The following SETD7 variants were observed in gnomAD, a reference collection of about 807,000 sequenced individuals.
SETD7 encodes the protein SET domain containing 7, histone lysine methyltransferase, also known as histone-lysine N-methyltransferase SETD7.
SETD7 carries 16 observed loss-of-function variants against 41.8 expected under a neutral mutation model. The observed-to-expected ratio is 0.38, with a 90% confidence interval of 0.26 to 0.58. SETD7 has a LOEUF of 0.58. SETD7 is among the 20% of genes least tolerant of loss of function. SETD7 has a pLI of 0.64. For missense variants in SETD7, 346 were observed against 459.7 expected (o/e 0.75, Z 2.26); for synonymous variants, 163 against 169.7 (o/e 0.96, Z 0.31).
intron 7 of SETD7, among the ~76,000 whole-genome samples, chr4:139,514,369 A>C (rs1726962994): frequency 6.6e-6 from 1 of 152,238 alleles, no homozygotes; most frequent in Non-Finnish European, 1.5e-5. Flanking sequence ...ACACTGAAAA[A>C]AAACCAAAAA....
chr4:139,536,772 G>T (rs781706044), intron 2 of SETD7, among the ~76,000 whole-genome samples: 1 of 151,834 alleles, frequency 6.6e-6, no homozygotes, highest in Non-Finnish European at 1.5e-5. Context: ...GGAGGCCGAG[G>T]CAGGAGGATC....
At chr4:139,529,910 ACTCT>A (rs1727435077) in intron 3 of SETD7, among the ~76,000 whole-genome samples, 1 of 151,740 alleles carries the variant, frequency 6.6e-6, no homozygotes. Context: ...CTTTCTTTCC[ACTCT>A]ATTTCCTGCT....
chr4:139,523,138 C>T (rs1266353247), intron 5 of SETD7, among the ~76,000 whole-genome samples: 1 of 152,124 alleles, frequency 6.6e-6, no homozygotes, highest in Non-Finnish European at 1.5e-5. Context: ...AACTCTCTTA[C>T]AGGGTCAGAT....
intron 1 of SETD7, among the ~76,000 whole-genome samples, chr4:139,552,367 C>T (rs1186437116): frequency 6.6e-6 from 1 of 152,154 alleles, no homozygotes; most frequent in Non-Finnish European, 1.5e-5. Context: ...ATTCTTCCTC[C>T]ATGTCTCCTA....
intron 2 of SETD7, among the ~76,000 whole-genome samples, chr4:139,541,738 A>C (rs1181953197): frequency 3.3e-5 from 5 of 152,254 alleles, no homozygotes; most frequent in Admixed American, 3.3e-4. Context: ...TGACTTAATA[A>C]GCTGGTTGTA....
chr4:139,553,692 C>T (rs570318303), intron 1 of SETD7, among the ~76,000 whole-genome samples: 131 of 152,284 alleles, frequency 8.6e-4, no homozygotes, highest in African/African-American at 3.1e-3. Flanking sequence ...CTGTGAAACA[C>T]TTAGCACAGA....
intron 7 of SETD7, among the ~76,000 whole-genome samples, chr4:139,514,373 C>A (rs147454583): frequency 2.5e-4 from 38 of 152,142 alleles, no homozygotes; most frequent in African/African-American, 6.5e-4. Context: ...TGAAAAAAAA[C>A]CAAAAAACAG....
chr4:139,530,339 G>A (rs1648795052), intron 3 of SETD7, among the ~76,000 whole-genome samples: 1 of 139,652 alleles, frequency 7.2e-6, no homozygotes, highest in African/African-American at 2.6e-5. Context: ...TGACTTTTGA[G>A]TGATCCCAAA....
At chr4:139,494,706 G>C (rs1043073025), downstream of SETD7, among the ~76,000 whole-genome samples, 1 of 152,202 alleles carries the variant, frequency 6.6e-6, no homozygotes, top group Non-Finnish European at 1.5e-5. Flanking sequence ...TACATAAATT[G>C]ATACTGGATG....
At chr4:139,528,700 G>A (rs1727397153) in intron 4 of SETD7, among the ~76,000 whole-genome samples, 1 of 152,074 alleles carries the variant, frequency 6.6e-6, no homozygotes, top group Non-Finnish European at 1.5e-5. Context: ...ATCCACTGTG[G>A]GAAAATGTTG....
At chr4:139,528,943 A>C in intron 4 of SETD7, 88 bp downstream of exon 4, 1 of 1,130,170 alleles carries the variant, frequency 8.8e-7, no homozygotes, top group Non-Finnish European at 1.3e-6. Flanking sequence ...AACTATACAG[A>C]GAGGAAAAGA....
chr4:139,520,782 G>A (rs887559214), intron 5 of SETD7, among the ~76,000 whole-genome samples: 1 of 152,196 alleles, frequency 6.6e-6, no homozygotes, highest in Admixed American at 6.5e-5. Flanking sequence ...GTTTGTCAGT[G>A]TTAGATGGGA....
rs10684792 is a variant in SETD7, at chr4:139,543,962, TCAAA to T, written c.170+2954_170+2957del. Reference sequence around the variant, plus strand: ...CTGGGAGACAGAGCAAGACTCCATCTCAAACAAACAAACAAACAAACAAACAAAA... The same window carrying T: ...CTGGGAGACAGAGCAAGACTCCATCTCAAACAAACAAACAAACAAACAAAA... On this transcript the variant is annotated intron_variant, in intron 2 of 7. Coordinates refer to ENST00000274031, the MANE Select transcript of SETD7 (RefSeq NM_030648.4). Among the ~76,000 whole-genome samples the T allele has an allele frequency of 4.8e-4, 71 of 148,196 alleles. No homozygotes were observed. The East Asian group carries it at 9.1e-3, about 19-fold the overall frequency.
downstream of SETD7, among the ~76,000 whole-genome samples, chr4:139,503,149 G>T (rs1370733562): frequency 7.9e-6 from 1 of 125,978 alleles, no homozygotes; most frequent in Non-Finnish European, 1.6e-5. Flanking sequence ...CTGCACTCCA[G>T]TATGGGCGAC....
chr4:139,542,112 T>A, intron 2 of SETD7, among the ~76,000 whole-genome samples: 1 of 152,156 alleles, frequency 6.6e-6, no homozygotes, highest in East Asian at 1.9e-4. Context: ...CTAGAGGACA[T>A]CATGTAAAGT....
intron 7 of SETD7, among the ~76,000 whole-genome samples, chr4:139,497,725 G>A (rs1170295008): frequency 6.6e-6 from 1 of 151,710 alleles, no homozygotes; most frequent in Non-Finnish European, 1.5e-5. Flanking sequence ...GAGTAGCTGG[G>A]ATTACAGGCG....
downstream of SETD7, among the ~76,000 whole-genome samples, chr4:139,501,364 T>C (rs1262731750): frequency 1.5e-5 from 2 of 136,606 alleles, no homozygotes; most frequent in African/African-American, 2.8e-5. Flanking sequence ...TTTTCACTTA[T>C]AAGTGGGAGC....
At chr4:139,543,913 G>A (rs1290623648) in intron 2 of SETD7, among the ~76,000 whole-genome samples, 1 of 151,980 alleles carries the variant, frequency 6.6e-6, no homozygotes, top group Non-Finnish European at 1.5e-5. Context: ...GCAGTGAGCC[G>A]AGATCGCGCC....
chr4:139,534,879 A>G (rs1727594020), intron 2 of SETD7, among the ~76,000 whole-genome samples: 1 of 152,206 alleles, frequency 6.6e-6, no homozygotes, highest in Non-Finnish European at 1.5e-5. Flanking sequence ...TGAATGATCT[A>G]TAATTATTAA....
Sources: gnomAD v4.1 joint callset for allele counts (sites outside exome capture counted in the v4.1 genomes callset) on GRCh38, gnomAD v4.1.1 for gene constraint, MANE v1.5 for transcripts, NCBI Gene and HGNC (gene_info 2026-07-23, HGNC 2026-07-21) for gene names.